The following RBM44 variants were observed in gnomAD, a reference collection of about 807,000 sequenced individuals.
The protein encoded by RBM44 is RNA-binding protein 44.
Under a neutral mutation model 105.1 loss-of-function variants are expected in RBM44, and 66 were observed. That is an observed-to-expected ratio of 0.63 (90% CI 0.52 to 0.77). RBM44 has a LOEUF of 0.77. Among genes scored for constraint, RBM44 ranks in the 30% least tolerant of loss-of-function variants. The pLI is 0.00. For missense variants in RBM44, 1,122 were observed against 1,207.8 expected (o/e 0.93, Z 1.05); for synonymous variants, 365 against 417.6 (o/e 0.87, Z 1.54).
At position 237,824,333 on chromosome 2, in the gene RBM44, C is replaced by G. The variant is rs1267863225; in HGVS notation, c.2363C>G (p.Ala788Gly). 1 of 1,612,822 alleles carries G rather than the reference C, an allele frequency of 6.2e-7. No individual in the cohort carries two copies. The highest frequency in any genetic ancestry group is 1.7e-5 in the Admixed American group (1 of 59,948). ...YQETSEDWSD[A>G]KESLTGVDVS... is the part of the protein sequence containing the mutation. ...GAGACAAGCGAAGACTGGTCTGATG[C>G]TAAAGAGAGCCTGACAGGAGTTGAC... The change falls in exon 10 of 16, where the codon GCT becomes GGT. Residue 788 changes from alanine to glycine, a missense_variant. Ala to Gly is a moderately conservative substitution (Grantham distance 60). Transcript: ENST00000316997.
Position 237,803,172 on chromosome 2 carries a change from C to T in RBM44, c.-19+4311C>T, listed in dbSNP as rs1350251574. ...GTGCCAGCTACAAAGGAGGCTGAGG[C>T]AGGAGAATCACTTTGACCTGGGAGG... On this transcript the variant is annotated intron_variant, in intron 1 of 15. Transcript: ENST00000316997. This position sits in a 1 kb window ranked among gnomAD's most constrained non-coding sequence, Gnocchi z 4.2. 1.3e-5 allele frequency among the ~76,000 whole-genome samples: 2 copies of T among 152,144 alleles called. No individual in the cohort carries two copies. Among genetic ancestry groups the T allele is most frequent in the African/African-American group, 2.4e-5 (1 of 41,424 alleles).
intron 7 of RBM44, 42 bp from the exon 8 acceptor site, chr2:237,821,701 A>G (rs1371085260): frequency 2.2e-6 from 3 of 1,380,128 alleles, no homozygotes; most frequent in Admixed American, 1.8e-5. Context: ...TTACTCTGTT[A>G]TCAAACATTA....
chr2:237,835,582 A>C (rs1419825610), intron 15 of RBM44, among the ~76,000 whole-genome samples: 1 of 152,148 alleles, frequency 6.6e-6, no homozygotes, highest in Admixed American at 6.5e-5. Context: ...ATATGGTGAA[A>C]ATTTTAGTAG....
chr2:237,823,517 A>G lies in RBM44; in HGVS notation c.2283A>G (p.Ile761Met). The G allele has an allele frequency of 6.5e-7, 1 of 1,534,904 alleles. No homozygotes were observed. The stretch of plus-strand genomic sequence containing the variant: ...AAGATGACTTTAAAAATGGTGATAT[A>G]AATGCAGACTTTAGTCAACTGAAAC... ...PKKDDFKNGD[I>M]NADFSQLKLG... Residue 761 changes from isoleucine (I) to methionine (M), a missense_variant, in exon 9 of 16, where the codon ATA becomes ATG. Ile to Met is a conservative substitution (Grantham distance 10). Around this residue, in one of 3 missense-constraint regions of RBM44, gnomAD observed 918 missense variants for 955.3 expected, o/e 0.96. Coordinates refer to ENST00000316997, the MANE Select transcript of RBM44 (RefSeq NM_001080504.3).
chr2:237,833,426 G>A lies in RBM44; in HGVS notation c.2887-571G>A, dbSNP rs975287241. ...TTGGTCATTTTAATTTTGTCTCTTCGCAATAGAGGGTTCTGTTTTATGTCA... is the reference window on the plus strand; with the variant it reads ...TTGGTCATTTTAATTTTGTCTCTTCACAATAGAGGGTTCTGTTTTATGTCA... On this transcript the variant is annotated intron_variant, in intron 13 of 15. Coordinates refer to ENST00000316997, the MANE Select transcript of RBM44 (RefSeq NM_001080504.3). 7.2e-5 allele frequency among the ~76,000 whole-genome samples: 11 copies of A among 152,040 alleles called. No individual in the cohort carries two copies. The East Asian group carries it at 1.5e-3, about 21-fold the overall frequency.
chr2:237,834,005 G>C lies in RBM44; in HGVS notation c.2895G>C (p.Lys965Asn), dbSNP rs770518960. The C allele has an allele frequency of 3.9e-6, 6 of 1,528,776 alleles. No individual in the cohort carries two copies. In the East Asian group the frequency reaches 1.4e-4, roughly 35 times the overall value. 94.7% of individuals were successfully genotyped at this position (1,528,776 alleles called of 1,614,324 possible). The change falls in exon 14 of 16, where the codon AAG (lysine) becomes AAC (asparagine). Residue 965 changes from lysine (K) to asparagine (N), a missense_variant. Coordinates refer to ENST00000316997, the MANE Select transcript of RBM44 (RefSeq NM_001080504.3). ...SEVFPSDQGV[K>N]KNCKQIESAK... ...TTTAAATGCTTATTTAGGGTGTCAAGAAGAATTGTAAGCAGATTGAATCTG... is the reference window on the plus strand; with the variant it reads ...TTTAAATGCTTATTTAGGGTGTCAACAAGAATTGTAAGCAGATTGAATCTG...
chr2:237,810,457 TATCTGC>T, intron 1 of RBM44, among the ~76,000 whole-genome samples: 1 of 152,336 alleles, frequency 6.6e-6, no homozygotes, highest in East Asian at 1.9e-4. Context: ...ACTGGCTAGG[TATCTGC>T]ATGGTTCTTT....
chr2:237,829,472 G>A lies in RBM44; in HGVS notation c.2856G>A (p.Glu952=). ...PRTRPRQLGS[E]QDSEVFPSDQ... Reference sequence around the variant, plus strand: ...CTAGGCCACGGCAGCTGGGTTCTGAGCAAGACAGTGAGGTTTTCCCTTCCG... The same window carrying A: ...CTAGGCCACGGCAGCTGGGTTCTGAACAAGACAGTGAGGTTTTCCCTTCCG... Residue 952 remains glutamate (E), a synonymous_variant, in exon 13 of 16, where the codon GAG becomes GAA. Coordinates refer to ENST00000316997, the MANE Select transcript of RBM44 (RefSeq NM_001080504.3). The A allele has an allele frequency of 6.2e-7, 1 of 1,613,358 alleles. No homozygotes were observed.
At position 237,834,196 on chromosome 2, in the gene RBM44, G is replaced by T; in HGVS notation, c.3032+54G>T. 3 of 1,516,852 alleles carry T rather than the reference G, an allele frequency of 2.0e-6. No individual in the cohort carries two copies. In the South Asian group the frequency reaches 3.8e-5, roughly 19 times the overall value. The allele number at this position is 1,516,852 out of a possible 1,614,324, so 94.0% of individuals were successfully genotyped here. ...TTTAAAACTTCTGTGTAAAAATATA[G>T]TTCAAGTTAATAACTTAGATATATT... is the stretch of plus-strand genomic sequence containing the variant. On this transcript the variant is annotated intron_variant, in intron 14 of 15. Coordinates refer to ENST00000316997, the MANE Select transcript of RBM44 (RefSeq NM_001080504.3).
At position 237,827,286 on chromosome 2, in the gene RBM44, G is replaced by A. The variant is rs571893965; in HGVS notation, c.2486G>A (p.Gly829Asp). ...GTTGAACCCTCACAAAGAGATAAAG[G>A]TTATTTGATACATGTTGGTGGCCTC... Reference protein sequence around the residue: ...KNVEPSQRDKGYLIHVGGLCP... With the variant: ...KNVEPSQRDKDYLIHVGGLCP... Residue 829 changes from glycine to aspartate, a missense_variant, in exon 11 of 16, where the codon GGT becomes GAT. Physicochemically the swap from Gly to Asp is moderately conservative, Grantham distance 94. Coordinates refer to ENST00000316997, the MANE Select transcript of RBM44 (RefSeq NM_001080504.3). 3 of 1,594,950 alleles carry A rather than the reference G, an allele frequency of 1.9e-6. No individual in the cohort carries two copies. Among genetic ancestry groups the A allele is most frequent in the Non-Finnish European group, 2.6e-6 (3 of 1,167,308 alleles).
At chr2:237,836,211 C>A (rs1263290532) in intron 15 of RBM44, among the ~76,000 whole-genome samples, 2 of 152,102 alleles carry the variant, frequency 1.3e-5, no homozygotes, top group Non-Finnish European at 2.9e-5. Flanking sequence ...ATTCAAGGGC[C>A]CTTAGGAATT....
intron 1 of RBM44, among the ~76,000 whole-genome samples, chr2:237,810,647 G>A (rs1276047733): frequency 6.6e-6 from 1 of 152,228 alleles, no homozygotes; most frequent in African/African-American, 2.4e-5. Context: ...GAGGGAGGGA[G>A]AAGAGCTCTC....
Position 237,818,415 on chromosome 2 carries a change from TAAC to T in RBM44, c.1499_1501del (p.Thr500del). On this transcript the variant is annotated inframe_deletion, in exon 3 of 16. Transcript: ENST00000316997. This position sits in a 1 kb window ranked among gnomAD's most constrained non-coding sequence, Gnocchi z 4.6. Reference sequence around the variant, plus strand: ...GTATCTACATCAAGCAACACAGAGATAACAATGATGAATAAAAAACGACCTGAT... The same window carrying T: ...GTATCTACATCAAGCAACACAGAGATAATGATGAATAAAAAACGACCTGAT... 1 of 1,597,068 alleles carries T rather than the reference TAAC, an allele frequency of 6.3e-7. No individual in the cohort carries two copies. Among genetic ancestry groups the T allele is most frequent in the Non-Finnish European group, 8.5e-7 (1 of 1,169,792 alleles).
At chr2:237,809,403 C>G (rs1271346348) in intron 1 of RBM44, among the ~76,000 whole-genome samples, 1 of 151,994 alleles carries the variant, frequency 6.6e-6, no homozygotes, top group East Asian at 1.9e-4. Context: ...TTTCCCTTTA[C>G]AGCAAAAAAT....
Position 237,829,301 on chromosome 2 carries a change from A to G in RBM44, c.2685A>G (p.Ser895=). Residue 895 remains serine, a synonymous_variant, in exon 13 of 16, where the codon TCA becomes TCG. Coordinates refer to ENST00000316997, the MANE Select transcript of RBM44 (RefSeq NM_001080504.3). ...ATGGGATAGAAATAAATGGAAAGTC[A>G]GTAAATGTGTGGCCTGTTAAAATTC... ...EMNGIEINGK[S]VNVWPVKILG... 1 of 1,613,342 alleles carries G rather than the reference A, an allele frequency of 6.2e-7. No homozygotes were observed. The highest frequency in any genetic ancestry group is 1.7e-5 in the Admixed American group (1 of 59,966).
chr2:237,832,398 T>A (rs1396266161), intron 13 of RBM44, among the ~76,000 whole-genome samples: 6 of 152,064 alleles, frequency 3.9e-5, no homozygotes, highest in Admixed American at 3.9e-4. Context: ...AAGTGATCCT[T>A]CCACCTTGGC....
chr2:237,838,911 G>A (rs1339620244), intron 15 of RBM44, among the ~76,000 whole-genome samples: 1 of 152,194 alleles, frequency 6.6e-6, no homozygotes, highest in Non-Finnish European at 1.5e-5. Flanking sequence ...CAGTGCCCAA[G>A]GATTTTACTG....
intron 1 of RBM44, among the ~76,000 whole-genome samples, chr2:237,802,033 C>T (rs759393534): frequency 6.6e-6 from 1 of 152,102 alleles, no homozygotes; most frequent in Non-Finnish European, 1.5e-5. Flanking sequence ...TTGAAAAACT[C>T]CAAATATATT....
chr2:237,814,953 T>C (rs2061699832), intron 2 of RBM44, among the ~76,000 whole-genome samples: 1 of 151,658 alleles, frequency 6.6e-6, no homozygotes, highest in African/African-American at 2.4e-5. Context: ...TATAATTACT[T>C]GGTAGAGAAG....
Sources: gnomAD v4.1 joint callset for allele counts (sites outside exome capture counted in the v4.1 genomes callset) on GRCh38, gnomAD v4.1.1 for gene constraint, gnomAD v4.1.1 regional missense constraint, Gnocchi (gnomAD v3.1) non-coding constraint, MANE v1.5 for transcripts, NCBI Gene and HGNC (gene_info 2026-07-23, HGNC 2026-07-21) for gene names.